Variants in CAMKMT observed in about 807,000 individuals in gnomAD.
The protein encoded by CAMKMT is calmodulin-lysine N-methyltransferase, also known as CaM KMT.
CAMKMT carries 53 observed loss-of-function variants against 48.0 expected under a neutral mutation model. The observed-to-expected ratio is 1.10, with a 90% CI of 0.89 to 1.39. CAMKMT has a LOEUF of 1.39. Among genes scored for constraint, CAMKMT ranks in the 40% most tolerant of loss-of-function variants. The pLI, the probability that CAMKMT is intolerant of heterozygous loss-of-function variation, is 0.00. For synonymous variants in CAMKMT, 165 were observed against 152.3 expected, an observed-to-expected ratio of 1.08 and a Z score of -0.61; for missense variants, 428 against 402.7, an observed-to-expected ratio of 1.06 and a Z score of -0.54.
At chr2:44,511,301 T>C (rs1335587655) in intron 3 of CAMKMT, among the ~76,000 whole-genome samples, 2 of 152,258 alleles carry the variant, frequency 1.3e-5, no homozygotes, top group Non-Finnish European at 2.9e-5. Flanking sequence ...ATTCCTTTTA[T>C]TTTTTAAGAC....
Position 44,372,707 on chromosome 2 carries a change from A to T in CAMKMT, c.139-9A>T, listed in dbSNP as rs745472830. 6.2e-7 allele frequency: 1 copy of T among 1,606,772 alleles called. No individual in the cohort carries two copies. The highest frequency in any genetic ancestry group is 8.5e-7 in the Non-Finnish European group (1 of 1,177,578). ...TAACATGACTGCAATATTTGGCTTT[A>T]TTTCAAAGGTTCTGAAGCAAAAACA... On this transcript the variant is annotated splice_polypyrimidine_tract_variant and intron_variant, in intron 1 of 10. Transcript: ENST00000378494.
intron 3 of CAMKMT, among the ~76,000 whole-genome samples, chr2:44,489,189 T>A (rs1033897587): frequency 2.0e-5 from 3 of 151,936 alleles, no homozygotes; most frequent in Non-Finnish European, 2.9e-5. Context: ...TTGACGTTTT[T>A]AAAATTCTTC....
chr2:44,403,701 C>T (rs1265029082), intron 3 of CAMKMT, among the ~76,000 whole-genome samples: 2 of 152,264 alleles, frequency 1.3e-5, no homozygotes, highest in South Asian at 2.1e-4. Context: ...ATCTTTAACG[C>T]ATACACACAT....
intron 3 of CAMKMT, among the ~76,000 whole-genome samples, chr2:44,474,875 A>G (rs6752836): frequency 0.031 from 4,783 of 152,306 alleles, 257 homozygotes; most frequent in African/African-American, 0.11. Flanking sequence ...AGCTCCTCAT[A>G]CTAATAACTT....
intron 2 of CAMKMT, among the ~76,000 whole-genome samples, chr2:44,383,455 A>C (rs776232961): frequency 6.6e-6 from 1 of 151,872 alleles, no homozygotes; most frequent in Non-Finnish European, 1.5e-5. Context: ...GAGCCACTGC[A>C]CCTGACCCCT....
intron 3 of CAMKMT, among the ~76,000 whole-genome samples, chr2:44,696,523 A>G (rs943282356): frequency 1.3e-5 from 2 of 152,222 alleles, no homozygotes; most frequent in Non-Finnish European, 2.9e-5. Flanking sequence ...CTCTACTCCA[A>G]CAAAAAACTG....
chr2:44,648,511 A>G (rs1407674157), intron 3 of CAMKMT, among the ~76,000 whole-genome samples: 1 of 152,232 alleles, frequency 6.6e-6, no homozygotes, highest in Non-Finnish European at 1.5e-5. Context: ...GAAAGATTAC[A>G]TTTGTTCTGA....
At chr2:44,647,349 G>A (rs1386480189) in intron 3 of CAMKMT, among the ~76,000 whole-genome samples, 1 of 152,118 alleles carries the variant, frequency 6.6e-6, no homozygotes, top group Non-Finnish European at 1.5e-5. Flanking sequence ...ATCACTGGGA[G>A]ACAGGGAAAA....
At chr2:44,642,820 G>C (rs549656378) in intron 3 of CAMKMT, among the ~76,000 whole-genome samples, 1 of 152,186 alleles carries the variant, frequency 6.6e-6, no homozygotes, top group South Asian at 2.1e-4. Context: ...GGGAGGGCTT[G>C]GTAAATGACT....
At chr2:44,634,913 A>G (rs541074461) in intron 3 of CAMKMT, among the ~76,000 whole-genome samples, 22 of 152,148 alleles carry the variant, frequency 1.4e-4, no homozygotes, top group Admixed American at 1.2e-3. Context: ...TTCATTTAAT[A>G]AATGTGTCTG....
intron 3 of CAMKMT, among the ~76,000 whole-genome samples, chr2:44,459,358 C>T (rs765732192): frequency 6.6e-6 from 1 of 152,102 alleles, no homozygotes; most frequent in Non-Finnish European, 1.5e-5. Flanking sequence ...TAAATCCCTT[C>T]TTATTATGGG....
chr2:44,381,087 G>A (rs919955982), intron 2 of CAMKMT, among the ~76,000 whole-genome samples: 20 of 152,172 alleles, frequency 1.3e-4, no homozygotes, highest in Non-Finnish European at 2.6e-4. Context: ...TTGAACCCGG[G>A]AGACAGAGGT....
chr2:44,603,990 T>C (rs1671145086), intron 3 of CAMKMT, among the ~76,000 whole-genome samples: 1 of 152,218 alleles, frequency 6.6e-6, no homozygotes, highest in African/African-American at 2.4e-5. Flanking sequence ...GTTGTCAAAT[T>C]GCTTACCTCT....
chr2:44,373,953 A>G, intron 2 of CAMKMT, among the ~76,000 whole-genome samples: 1 of 101,644 alleles, frequency 9.8e-6, no homozygotes, highest in East Asian at 2.2e-4. Flanking sequence ...GCAAAACCCC[A>G]CCTTTACAAA....
At position 44,499,515 on chromosome 2, in the gene CAMKMT, G is replaced by C. The variant is rs939130177; in HGVS notation, c.376+109210G>C. Among the ~76,000 whole-genome samples, 7 of 152,288 alleles carry C rather than the reference G, an allele frequency of 4.6e-5. No individual in the cohort carries two copies. The East Asian group carries it at 1.3e-3, about 29-fold the overall frequency. On this transcript the variant is annotated intron_variant, in intron 3 of 10. Transcript: ENST00000378494. ...CATCAGTACAGTTCTTACAAAATGG[G>C]AATTTGTCTTTATAATTTTATTGTA...
Position 44,658,414 on chromosome 2 carries a change from C to T in CAMKMT, c.377-45869C>T, listed in dbSNP as rs748599541. ...CCGGGTGTGCTAGAGTGGCTCACCACCGCCCTACACAGTGGGCTAATTGGC... is the reference window on the plus strand; with the variant it reads ...CCGGGTGTGCTAGAGTGGCTCACCATCGCCCTACACAGTGGGCTAATTGGC... On this transcript the variant is annotated intron_variant, in intron 3 of 10. Transcript: ENST00000378494. Among the ~76,000 whole-genome samples the T allele has an allele frequency of 2.6e-5, 4 of 151,542 alleles. No individual in the cohort carries two copies. In the South Asian group the frequency reaches 8.4e-4, roughly 32 times the overall value.
At chr2:44,481,510 A>G (rs991979530) in intron 3 of CAMKMT, among the ~76,000 whole-genome samples, 2 of 152,022 alleles carry the variant, frequency 1.3e-5, no homozygotes, top group Non-Finnish European at 2.9e-5. Context: ...TTATTTTTGC[A>G]ATTCTCTTTC....
At chr2:44,559,063 C>G (rs1289944414) in intron 3 of CAMKMT, among the ~76,000 whole-genome samples, 1 of 151,904 alleles carries the variant, frequency 6.6e-6, no homozygotes, top group East Asian at 1.9e-4. Context: ...ATCTAGAATC[C>G]AAAATAAAAT....
At chr2:44,406,680 G>A (rs1056992525) in intron 3 of CAMKMT, among the ~76,000 whole-genome samples, 3 of 152,080 alleles carry the variant, frequency 2.0e-5, no homozygotes, top group Non-Finnish European at 2.9e-5. Flanking sequence ...TACTGCATCC[G>A]CAACTTCCTG....
Sources: gnomAD v4.1 joint callset for allele counts (sites outside exome capture counted in the v4.1 genomes callset) on GRCh38, gnomAD v4.1.1 for gene constraint, MANE v1.5 for transcripts, NCBI Gene and HGNC (gene_info 2026-07-23, HGNC 2026-07-21) for gene names.